Variants in TOM1L2 observed in about 807,000 individuals in gnomAD.
The protein encoded by TOM1L2 is TOM1-like protein 2.
A neutral mutation model predicts 67.9 loss-of-function variants in TOM1L2; 31 were observed. The ratio of observed to expected loss-of-function variants is 0.46; its 90% CI spans 0.34 to 0.62. TOM1L2 has a LOEUF of 0.62. Ranked by LOEUF, TOM1L2 falls within the 20% of genes least tolerant of loss-of-function variation. TOM1L2 has a pLI of 0.01. For missense variants in TOM1L2, 606 were observed against 663.5 expected, an observed-to-expected ratio of 0.91 and a Z score of 0.95; for synonymous variants, 256 against 254.0, an observed-to-expected ratio of 1.01 and a Z score of -0.07.
intron 1 of TOM1L2, among the ~76,000 whole-genome samples, chr17:17,907,980 T>C (rs1250117462): frequency 6.6e-6 from 1 of 152,224 alleles, no homozygotes; most frequent in East Asian, 1.9e-4. Flanking sequence ...TGGGTTGATA[T>C]ACATGAAACA....
chr17:17,947,365 G>T (rs922326895), intron 1 of TOM1L2, among the ~76,000 whole-genome samples: 2 of 152,170 alleles, frequency 1.3e-5, no homozygotes, highest in Non-Finnish European at 2.9e-5. Context: ...GCTAAATTGT[G>T]CCATCCTCAA....
chr17:17,904,043 G>A (rs376591263), intron 2 of TOM1L2, among the ~76,000 whole-genome samples: 5 of 152,030 alleles, frequency 3.3e-5, no homozygotes, highest in African/African-American at 1.2e-4. Context: ...ACATTTCCTA[G>A]GCTGGTCTCA....
intron 1 of TOM1L2, among the ~76,000 whole-genome samples, chr17:17,915,372 C>G (rs2144544442): frequency 6.6e-6 from 1 of 152,282 alleles, no homozygotes; most frequent in African/African-American, 2.4e-5. Context: ...CCTGGCTTAC[C>G]AGGTGTGAAG....
At position 17,937,133 on chromosome 17, in the gene TOM1L2, G is replaced by A. The variant is rs117601338; in HGVS notation, c.53-29602C>T. ...CTGCAGCCCCAAAGGATAAAGGAGA[G>A]CAATGCCTGGCAAATTGTCCCTACT... On this transcript the variant is annotated intron_variant, in intron 1 of 14. Transcript: ENST00000379504. Among the ~76,000 whole-genome samples the A allele has an allele frequency of 6.4e-3, 970 of 152,302 alleles. 9 individuals carry two copies. Among genetic ancestry groups the A allele is most frequent in the East Asian group, 0.057 (294 of 5,174 alleles).
rs2039152305 is a variant in TOM1L2 at position 17,907,511 on chromosome 17, G to A, written c.73C>T (p.Leu25=). 1 of 1,613,894 alleles carries A rather than the reference G, an allele frequency of 6.2e-7. No homozygotes were observed. The highest frequency in any genetic ancestry group is 8.5e-7 in the Non-Finnish European group (1 of 1,179,934). ...TTCAACGTCCAATCCTCACTTTGCAGGGAGCCATCTGTTGCCTTTTCTGTG... is the reference window on the plus strand; with the variant it reads ...TTCAACGTCCAATCCTCACTTTGCAAGGAGCCATCTGTTGCCTTTTCTGTG... ...QCLEKATDGS[L]QSEDWTLNME... The change falls in exon 2 of 15, where the codon CTG becomes TTG. Residue 25 remains leucine (L), a synonymous_variant. Coordinates refer to ENST00000379504, the MANE Select transcript of TOM1L2 (RefSeq NM_001082968.2).
chr17:17,907,754 GA>G (rs941740174), intron 1 of TOM1L2, among the ~76,000 whole-genome samples: 1 of 152,148 alleles, frequency 6.6e-6, no homozygotes, highest in African/African-American at 2.4e-5. Flanking sequence ...ACTCTAGACT[GA>G]AAAGCTTATG....
chr17:17,931,701 G>A (rs2144705714), intron 1 of TOM1L2, among the ~76,000 whole-genome samples: 1 of 152,380 alleles, frequency 6.6e-6, no homozygotes, highest in African/African-American at 2.4e-5. Context: ...AGATCAGAGA[G>A]TCTGACATGC....
At chr17:17,879,301 A>G (rs530020478) in intron 7 of TOM1L2, among the ~76,000 whole-genome samples, 1 of 152,344 alleles carries the variant, frequency 6.6e-6, no homozygotes, top group South Asian at 2.1e-4. Flanking sequence ...CAAAGCACCT[A>G]CAGTGGTTAT....
At chr17:17,875,613 T>G (rs1406119730) in intron 7 of TOM1L2, among the ~76,000 whole-genome samples, 1 of 152,254 alleles carries the variant, frequency 6.6e-6, no homozygotes, top group Admixed American at 6.5e-5. Flanking sequence ...AGCTGGTCAC[T>G]TGTACAAAAG....
chr17:17,858,964 G>T (rs2036406649), intron 12 of TOM1L2: 1 of 152,292 alleles, frequency 6.6e-6, no homozygotes, highest in Admixed American at 6.5e-5. Context: ...CTCCCAAAGT[G>T]CTGGGATTAC....
intron 1 of TOM1L2, among the ~76,000 whole-genome samples, chr17:17,956,528 C>T (rs773213119): frequency 7.0e-4 from 107 of 152,346 alleles, no homozygotes; most frequent in Middle Eastern, 3.4e-3. Context: ...TCGATGGGAC[C>T]GGGCGCAGTG....
At chr17:17,931,930 T>C (rs2040353519) in intron 1 of TOM1L2, among the ~76,000 whole-genome samples, 2 of 152,228 alleles carry the variant, frequency 1.3e-5, no homozygotes, top group Admixed American at 6.5e-5. Context: ...GTGGCCACCT[T>C]ACCCAAAGAT....
intron 6 of TOM1L2, among the ~76,000 whole-genome samples, chr17:17,882,415 C>T (rs2037770938): frequency 6.6e-6 from 1 of 152,214 alleles, no homozygotes; most frequent in Non-Finnish European, 1.5e-5. Flanking sequence ...CCTGACAAAG[C>T]CCAACTCCTG....
At chr17:17,873,814 T>C (rs987823927) in intron 7 of TOM1L2, among the ~76,000 whole-genome samples, 5 of 152,222 alleles carry the variant, frequency 3.3e-5, no homozygotes, top group African/African-American at 1.2e-4. Flanking sequence ...AGAAGGCCAC[T>C]GTCATGCTGC....
At chr17:17,853,264 G>C (rs780511852) in intron 12 of TOM1L2, among the ~76,000 whole-genome samples, 1 of 152,228 alleles carries the variant, frequency 6.6e-6, no homozygotes, top group Non-Finnish European at 1.5e-5. Context: ...CTAGCGGTTA[G>C]AGTGTGCACC....
rs928955241 is a variant in TOM1L2, at chr17:17,907,305, C to T, written c.137+142G>A. The T allele has an allele frequency of 1.8e-5, 12 of 675,676 alleles. No homozygotes were observed. In the South Asian group the frequency reaches 2.5e-4, roughly 14 times the overall value. The allele number at this position is 675,676 out of a possible 1,614,324, so 41.9% of individuals were successfully genotyped here. A position where few individuals can be genotyped will look rare whatever the true frequency, so the allele number is the denominator to read the frequency against. Reference sequence around the variant, plus strand: ...ATGAAGACAAAAAGGACAGATAATTCAGAGTGTCAGCTTATTCGATGCCAA... The same window carrying T: ...ATGAAGACAAAAAGGACAGATAATTTAGAGTGTCAGCTTATTCGATGCCAA... On this transcript the variant is annotated intron_variant, in intron 2 of 14. Transcript: ENST00000379504.
chr17:17,893,341 C>T (rs777440568), intron 4 of TOM1L2, among the ~76,000 whole-genome samples: 15 of 152,174 alleles, frequency 9.9e-5, no homozygotes, highest in African/African-American at 3.6e-4. Flanking sequence ...TCACCAAACC[C>T]GCACGTAGCT....
chr17:17,961,871 CA>C (rs530184569), intron 1 of TOM1L2, among the ~76,000 whole-genome samples: 108 of 115,326 alleles, frequency 9.4e-4, no homozygotes, highest in Admixed American at 1.7e-3. Flanking sequence ...GACTCCGTCT[CA>C]AAAAAAAAAA....
intron 1 of TOM1L2, among the ~76,000 whole-genome samples, chr17:17,946,581 T>C (rs1482766957): frequency 6.6e-6 from 1 of 152,202 alleles, no homozygotes; most frequent in East Asian, 1.9e-4. Flanking sequence ...ATTTAAAACT[T>C]AATCCTTTGC....
Sources: allele counts gnomAD v4.1 joint callset (sites outside exome capture counted in the v4.1 genomes callset), GRCh38; gene constraint gnomAD v4.1.1; transcripts MANE v1.5; gene names NCBI Gene and HGNC (gene_info 2026-07-23, HGNC 2026-07-21).